The following WIPF3 variants were observed in gnomAD, a reference collection of about 807,000 sequenced individuals.
The protein encoded by WIPF3 is WAS/WASL-interacting protein family member 3.
Under a neutral mutation model 38.9 loss-of-function variants are expected in WIPF3, and 33 were observed. The observed-to-expected ratio is 0.85, with a 90% confidence interval of 0.64 to 1.14. The LOEUF is 1.14. WIPF3 is among the 50% of genes most tolerant of loss of function. WIPF3 has a pLI of 0.00. For synonymous variants in WIPF3, 324 were observed against 269.3 expected (o/e 1.20, Z -1.99); for missense variants, 711 against 652.5 (o/e 1.09, Z -0.98).
intron 1 of WIPF3, among the ~76,000 whole-genome samples, chr7:29,832,657 T>C (rs980143199): frequency 1.3e-5 from 2 of 152,218 alleles, no homozygotes; most frequent in African/African-American, 4.8e-5. Flanking sequence ...TGTACAACAA[T>C]CAGCTTATGC....
chr7:29,870,664 G>A (rs1484477761), intron 2 of WIPF3, among the ~76,000 whole-genome samples: 1 of 152,118 alleles, frequency 6.6e-6, no homozygotes. Context: ...CCCTCATTTT[G>A]CTTTACCTCC....
intron 1 of WIPF3, among the ~76,000 whole-genome samples, chr7:29,826,727 T>C (rs1490499143): frequency 2.0e-5 from 3 of 152,248 alleles, no homozygotes; most frequent in Non-Finnish European, 2.9e-5. Context: ...ATAAACTTAC[T>C]TGACTGAAAG....
intron 2 of WIPF3, among the ~76,000 whole-genome samples, chr7:29,875,049 TA>T (rs1468400442): frequency 2.6e-5 from 4 of 152,112 alleles, no homozygotes; most frequent in Non-Finnish European, 4.4e-5. Context: ...AAACTCACTT[TA>T]AACGCACAAG....
At chr7:29,907,563 G>T (rs1008980438) in intron 8 of WIPF3, among the ~76,000 whole-genome samples, 1 of 152,010 alleles carries the variant, frequency 6.6e-6, no homozygotes, top group East Asian at 1.9e-4. Flanking sequence ...TGGGCCTTTG[G>T]GGAGGTGATA....
In WIPF3 at chr7:29,834,670, C is replaced by T; in HGVS notation, c.-55C>T. The T allele has an allele frequency of 7.2e-7, 1 of 1,395,356 alleles. No homozygotes were observed. The highest frequency in any genetic ancestry group is 9.3e-7 in the Non-Finnish European group (1 of 1,072,848). The allele number at this position is 1,395,356 out of a possible 1,614,324, so 86.4% of individuals were successfully genotyped here. ...TCCATTCTTTTTCTCTTTTTCAGAG[C>T]AGAAGCCACTCTCTTGGGACCATTC... On this transcript the variant is annotated splice_region_variant and 5_prime_UTR_variant, in exon 2 of 9. Coordinates refer to ENST00000242140, the MANE Select transcript of WIPF3 (RefSeq NM_001080529.3).
At chr7:29,888,484 A>AT (rs1562787219) in intron 6 of WIPF3, among the ~76,000 whole-genome samples, 2 of 143,652 alleles carry the variant, frequency 1.4e-5, no homozygotes, top group African/African-American at 5.2e-5. Flanking sequence ...AAACTGTGTG[A>AT]GTGTGTGTGC....
chr7:29,826,845 G>A (rs1225382835), intron 1 of WIPF3, among the ~76,000 whole-genome samples: 1 of 152,158 alleles, frequency 6.6e-6, no homozygotes, highest in Non-Finnish European at 1.5e-5. Flanking sequence ...ACTTAGTATG[G>A]TGCTTAAGAG....
At position 29,883,941 on chromosome 7, in the gene WIPF3, T is replaced by C; in HGVS notation, c.447T>C (p.Ser149=). Residue 149 remains serine, a synonymous_variant, in exon 5 of 9, where the codon TCT becomes TCC. Transcript: ENST00000242140. ...TISGPLIPPA[S]PRLGNTSEAH... ...GCGGCCCGCTTATCCCGCCTGCCTC[T>C]CCCAGGCTAGGCAATACCTCCGAGG... 2 of 1,579,394 alleles carry C rather than the reference T, an allele frequency of 1.3e-6. No homozygotes were observed. The highest frequency in any genetic ancestry group is 1.7e-6 in the Non-Finnish European group (2 of 1,162,870).
intron 2 of WIPF3, among the ~76,000 whole-genome samples, chr7:29,846,041 A>G (rs1784994266): frequency 6.6e-6 from 1 of 152,260 alleles, no homozygotes; most frequent in African/African-American, 2.4e-5. Flanking sequence ...ATAAAATTAA[A>G]AAAGAACACC....
chr7:29,867,267 AAG>A (rs1335101920), intron 2 of WIPF3, among the ~76,000 whole-genome samples: 1 of 152,226 alleles, frequency 6.6e-6, no homozygotes, highest in Admixed American at 6.5e-5. Flanking sequence ...TCAAATGAGA[AAG>A]AGAGCAAGGA....
chr7:29,875,968 T>C lies in WIPF3; in HGVS notation c.223+6T>C, dbSNP rs772057312. 6.2e-7 allele frequency: 1 copy of C among 1,612,890 alleles called. No homozygotes were observed. The highest frequency in any genetic ancestry group is 8.5e-7 in the Non-Finnish European group (1 of 1,179,354). On this transcript the variant is annotated splice_donor_region_variant and intron_variant, in intron 3 of 8. Coordinates refer to ENST00000242140, the MANE Select transcript of WIPF3 (RefSeq NM_001080529.3). ...CAGTGCCCCGCAGATCGAGAGTAAGTGAGCAGCCGGGCCAGGCCTCCTGTG... is the reference window on the plus strand; with the variant it reads ...CAGTGCCCCGCAGATCGAGAGTAAGCGAGCAGCCGGGCCAGGCCTCCTGTG...
chr7:29,899,242 C>T (rs988880877), intron 7 of WIPF3, among the ~76,000 whole-genome samples: 2 of 152,216 alleles, frequency 1.3e-5, no homozygotes, highest in African/African-American at 4.8e-5. Flanking sequence ...GGGGCTAGGG[C>T]TTCCACATAT....
At chr7:29,906,505 A>T (rs1298905687) in intron 8 of WIPF3, among the ~76,000 whole-genome samples, 3 of 152,146 alleles carry the variant, frequency 2.0e-5, no homozygotes, top group African/African-American at 7.2e-5. Flanking sequence ...AAAGAAAAAA[A>T]ATTAAAAGTG....
intron 7 of WIPF3, among the ~76,000 whole-genome samples, chr7:29,901,577 G>A (rs10274786): frequency 0.032 from 4,831 of 151,848 alleles, 98 homozygotes; most frequent in Middle Eastern, 0.1. Context: ...GATCGCTTGA[G>A]CTCAGGAGTT....
chr7:29,907,173 A>G (rs1199627191), intron 8 of WIPF3, among the ~76,000 whole-genome samples: 3 of 152,368 alleles, frequency 2.0e-5, no homozygotes, highest in East Asian at 3.9e-4. Flanking sequence ...TGTTTTCTAC[A>G]TGATTTAAAA....
intron 3 of WIPF3, among the ~76,000 whole-genome samples, chr7:29,877,238 G>A (rs1785618216): frequency 6.6e-6 from 1 of 152,202 alleles, no homozygotes; most frequent in South Asian, 2.1e-4. Context: ...CATTGTTGAT[G>A]AAGCAGATGA....
chr7:29,884,313 G>A lies in WIPF3; in HGVS notation c.819G>A (p.Pro273=), dbSNP rs762489215. Reference sequence around the variant, plus strand: ...CTCTGCTCCCACCTTGTGGGTATCCGGGGCTCAAAGCGGAGCCCGCCAGCC... The same window carrying A: ...CTCTGCTCCCACCTTGTGGGTATCCAGGGCTCAAAGCGGAGCCCGCCAGCC... ...PLPLLPPCGY[P]GLKAEPASPA... The change falls in exon 5 of 9, where the codon CCG becomes CCA. Residue 273 remains proline, a synonymous_variant. Transcript: ENST00000242140. 1.5e-6 allele frequency: 2 copies of A among 1,311,394 alleles called. No homozygotes were observed. Among genetic ancestry groups the A allele is most frequent in the Non-Finnish European group, 9.9e-7 (1 of 1,009,920 alleles). 81.2% of individuals were successfully genotyped at this position (1,311,394 alleles called of 1,614,324 possible). A position where few individuals can be genotyped will look rare whatever the true frequency, so the allele number is the denominator to read the frequency against.
chr7:29,903,646 C>T (rs1786331959), intron 7 of WIPF3, among the ~76,000 whole-genome samples: 1 of 151,540 alleles, frequency 6.6e-6, no homozygotes, highest in African/African-American at 2.4e-5. Flanking sequence ...TTGGGTAGAC[C>T]AACCAAAACA....
intron 4 of WIPF3, among the ~76,000 whole-genome samples, chr7:29,881,565 A>G (rs947481749): frequency 6.6e-6 from 1 of 152,250 alleles, no homozygotes; most frequent in African/African-American, 2.4e-5. Flanking sequence ...AGTCATGAAT[A>G]TAAATATTTT....
Sources: allele counts gnomAD v4.1 joint callset (sites outside exome capture counted in the v4.1 genomes callset), GRCh38; gene constraint gnomAD v4.1.1; transcripts MANE v1.5; gene names NCBI Gene and HGNC (gene_info 2026-07-23, HGNC 2026-07-21).